Variants in KCNK13 observed in about 807,000 individuals in gnomAD.
KCNK13 encodes potassium two pore domain channel subfamily K member 13.
Under a neutral mutation model 23.4 loss-of-function variants are expected in KCNK13, and 12 were observed. The ratio of observed to expected loss-of-function variants is 0.51; its 90% CI spans 0.33 to 0.83. The LOEUF (loss-of-function observed/expected upper bound fraction) is 0.83. KCNK13 is among the 40% of genes least tolerant of loss of function. The probability of loss-of-function intolerance (pLI) is 0.02; values close to 1 mark genes in which losing one functional copy is unlikely to be tolerated. For synonymous variants in KCNK13, 231 were observed against 229.5 expected (o/e 1.01, Z -0.06); for missense variants, 463 against 556.3 (o/e 0.83, Z 1.69).
Position 90,062,096 on chromosome 14 carries a change from G to C in KCNK13, c.-110G>C. On this transcript the variant is annotated 5_prime_UTR_variant, in exon 1 of 2. Coordinates refer to ENST00000282146, the MANE Select transcript of KCNK13 (RefSeq NM_022054.4). The surrounding 1 kb of genome is among the most constrained non-coding windows in gnomAD (Gnocchi z 4.5). ...GCGGTCATGGGCGAGCCGGCGGTGG[G>C]GCGCCCGGGAGCTGGCTGAGCGCCG... The C allele has an allele frequency of 1.4e-6, 1 of 713,320 alleles. No homozygotes were observed. Among genetic ancestry groups the C allele is most frequent in the Non-Finnish European group, 2.0e-6 (1 of 503,204 alleles). 44.2% of individuals were successfully genotyped at this position (713,320 alleles called of 1,614,324 possible).
chr14:90,166,477 G>A (rs182075828), intron 1 of KCNK13, among the ~76,000 whole-genome samples: 109 of 152,236 alleles, frequency 7.2e-4, no homozygotes, highest in African/African-American at 2.0e-3. Context: ...GTGCTAAGGC[G>A]GGCAGACCAC....
chr14:90,111,668 C>A (rs542165166), intron 1 of KCNK13, among the ~76,000 whole-genome samples: 1 of 152,116 alleles, frequency 6.6e-6, no homozygotes, highest in Non-Finnish European at 1.5e-5. Context: ...TGAGCCCTTT[C>A]GTCTCTAGAT....
chr14:90,094,645 C>CTTTTTTTTTTT (rs778654067), intron 1 of KCNK13, among the ~76,000 whole-genome samples: 18 of 111,648 alleles, frequency 1.6e-4, no homozygotes, highest in South Asian at 3.0e-4. Flanking sequence ...TCTTTTTTTT[C>CTTTTTTTTTTT]TTTTTTTTTT....
intron 1 of KCNK13, among the ~76,000 whole-genome samples, chr14:90,143,575 T>C (rs1287871580): frequency 6.6e-6 from 1 of 152,194 alleles, no homozygotes; most frequent in African/African-American, 2.4e-5. Context: ...AGCTGTATAA[T>C]AAGTCTTGAA....
At chr14:90,064,642 A>G (rs1318746501) in intron 1 of KCNK13, among the ~76,000 whole-genome samples, 4 of 152,176 alleles carry the variant, frequency 2.6e-5, no homozygotes, top group African/African-American at 9.7e-5. Flanking sequence ...TTTGGTGAAT[A>G]TTAGTCCTGC....
intron 1 of KCNK13, among the ~76,000 whole-genome samples, chr14:90,068,342 C>T (rs1452647963): frequency 1.3e-5 from 2 of 152,116 alleles, no homozygotes; most frequent in Non-Finnish European, 2.9e-5. Flanking sequence ...TGCCTGTAAT[C>T]TCAGCACTTT....
chr14:90,104,866 T>G (rs1336035447), intron 1 of KCNK13, among the ~76,000 whole-genome samples: 1 of 149,252 alleles, frequency 6.7e-6, no homozygotes, highest in African/African-American at 2.5e-5. Flanking sequence ...CTTGGCTCAC[T>G]GCAACCTCTA....
rs34114368 is a variant in KCNK13 at position 90,157,702 on chromosome 14, C to CTTTTTTT, written c.335-26398_335-26392dup. Among the ~76,000 whole-genome samples, 42 of 100,308 alleles carry CTTTTTTT rather than the reference C, an allele frequency of 4.2e-4. 7 individuals are homozygous for CTTTTTTT. The highest frequency in any genetic ancestry group is 1.2e-3 in the African/African-American group (29 of 25,092). The allele number at this position is 100,308 out of a possible 152,430, so 65.8% of individuals were successfully genotyped here. ...GGCCACCATACCTGGCTTGGCTTTC[C>CTTTTTTT]TTTTTTTTTTTTTTTTTCAGACAGA... is the stretch of plus-strand genomic sequence containing the variant. On this transcript the variant is annotated intron_variant, in intron 1 of 1. Transcript: ENST00000282146.
intron 1 of KCNK13, among the ~76,000 whole-genome samples, chr14:90,111,191 C>G (rs757805073): frequency 5.3e-5 from 8 of 152,134 alleles, no homozygotes; most frequent in Non-Finnish European, 8.8e-5. Context: ...AAACAAAGCT[C>G]TAGTTCTCCG....
At chr14:90,074,959 G>A (rs1006672376) in intron 1 of KCNK13, among the ~76,000 whole-genome samples, 1 of 152,004 alleles carries the variant, frequency 6.6e-6, no homozygotes, top group African/African-American at 2.4e-5. Context: ...GATACTTGCT[G>A]ACTTTTAGAC....
chr14:90,133,398 A>G (rs3850396), intron 1 of KCNK13, among the ~76,000 whole-genome samples: 9,076 of 152,022 alleles, frequency 0.06, 385 homozygotes, highest in Middle Eastern at 0.16. Context: ...GGAAACGGGG[A>G]GTGACTGCTG....
intron 1 of KCNK13, among the ~76,000 whole-genome samples, chr14:90,083,773 C>G (rs1286902): frequency 0.26 from 39,163 of 152,038 alleles, 5,455 homozygotes; most frequent in Non-Finnish European, 0.32. Flanking sequence ...TTGTAAATTG[C>G]CCAGTCTGCG....
intron 1 of KCNK13, among the ~76,000 whole-genome samples, chr14:90,095,680 C>G (rs1364473799): frequency 2.0e-5 from 3 of 152,028 alleles, no homozygotes; most frequent in Admixed American, 2.0e-4. Flanking sequence ...CTTCTGTGAC[C>G]AGAAGTGTGA....
intron 1 of KCNK13, among the ~76,000 whole-genome samples, chr14:90,123,194 T>G (rs1176666200): frequency 6.6e-6 from 1 of 152,206 alleles, no homozygotes; most frequent in African/African-American, 2.4e-5. Flanking sequence ...CAAATCTGTA[T>G]CAGTTGGCTA....
intron 1 of KCNK13, among the ~76,000 whole-genome samples, chr14:90,161,168 A>T (rs1435149859): frequency 6.6e-6 from 1 of 152,222 alleles, no homozygotes; most frequent in Non-Finnish European, 1.5e-5. Flanking sequence ...CCTTGACAAC[A>T]TCATGCTAAA....
At chr14:90,158,364 C>T (rs1171977435) in intron 1 of KCNK13, among the ~76,000 whole-genome samples, 2 of 152,174 alleles carry the variant, frequency 1.3e-5, no homozygotes, top group African/African-American at 4.8e-5. Context: ...AAAGATTATT[C>T]GTTTATTATC....
intron 1 of KCNK13, among the ~76,000 whole-genome samples, chr14:90,133,469 G>T (rs1343935743): frequency 6.6e-6 from 1 of 151,916 alleles, no homozygotes; most frequent in Non-Finnish European, 1.5e-5. Context: ...TGTAGAGATG[G>T]TTGCACAACT....
chr14:90,164,524 T>TA (rs1397264771), intron 1 of KCNK13, among the ~76,000 whole-genome samples: 2 of 152,152 alleles, frequency 1.3e-5, no homozygotes, highest in East Asian at 3.9e-4. Context: ...AAGAAAAACT[T>TA]AATCTTCTAC....
intron 1 of KCNK13, among the ~76,000 whole-genome samples, chr14:90,098,412 T>C (rs1889436397): frequency 3.3e-5 from 5 of 152,340 alleles, no homozygotes; most frequent in Middle Eastern, 3.4e-3. Context: ...TGAAGGTCAA[T>C]GTGGTCACAT....
Sources: allele counts gnomAD v4.1 joint callset (sites outside exome capture counted in the v4.1 genomes callset), GRCh38; gene constraint gnomAD v4.1.1; non-coding constraint Gnocchi (gnomAD v3.1); transcripts MANE v1.5; gene names NCBI Gene and HGNC (gene_info 2026-07-23, HGNC 2026-07-21).